The following KRT18 variants were observed in gnomAD, a reference collection of about 807,000 sequenced individuals.
The protein encoded by KRT18 is keratin 18, also known as keratin, type I cytoskeletal 18.
Under a neutral mutation model 39.9 loss-of-function variants are expected in KRT18, and 8 were observed. The ratio of observed to expected loss-of-function variants is 0.20; its 90% confidence interval spans 0.12 to 0.36. The LOEUF (loss-of-function observed/expected upper bound fraction) is 0.36. KRT18 is among the 10% of genes least tolerant of loss of function. The pLI is 1.00. For synonymous variants in KRT18, 194 were observed against 227.8 expected, an observed-to-expected ratio of 0.85 and a Z score of 1.33; for missense variants, 396 against 565.7, an observed-to-expected ratio of 0.70 and a Z score of 3.04.
upstream of KRT18, chr12:52,948,932 C>CT: frequency 2.3e-6 from 1 of 428,440 alleles, no homozygotes; most frequent in African/African-American, 2.1e-5. Context: ...CACCCCGTTT[C>CT]TGGGGGGTGA....
chr12:52,949,729 G>T (rs779728172), intron 1 of KRT18, 139 bp downstream of exon 1: 5 of 790,836 alleles, frequency 6.3e-6, no homozygotes, highest in East Asian at 5.3e-5. Context: ...ATTTCCATCC[G>T]CGCACCTAGC....
At chr12:52,952,089 AC>A in intron 5 of KRT18, 29 bp from the exon 6 acceptor site, 1 of 1,514,694 alleles carries the variant, frequency 6.6e-7, no homozygotes, top group Non-Finnish European at 9.0e-7. Context: ...CTCTGGGCTC[AC>A]CCTGCCCCTC....
rs1234167038 is a variant in KRT18 at position 52,952,275 on chromosome 12, A to G, written c.1105A>G (p.Ile369Val). The change falls in exon 6 of 7, where the codon ATC becomes GTC. Residue 369 changes from isoleucine to valine, a missense_variant. Physicochemically the swap from Ile to Val is conservative, Grantham distance 29 (BLOSUM62 3). Transcript: ENST00000388835. ...CCAGGAGTATGAGGCCCTGCTGAAC[A>G]TCAAGGTCAAGCTGGAGGCTGAGAT... ...QAQEYEALLN[I>V]KVKLEAEIAT... 6.2e-7 allele frequency: 1 copy of G among 1,608,850 alleles called. No individual in the cohort carries two copies. Among genetic ancestry groups the G allele is most frequent in the South Asian group, 1.1e-5 (1 of 89,948 alleles).
At position 52,950,887 on chromosome 12, in the gene KRT18, TGAA is replaced by T. The variant is rs1424887493; in HGVS notation, c.645_647del (p.Lys215del). 1 of 1,586,858 alleles carries T rather than the reference TGAA, an allele frequency of 6.3e-7. No individual in the cohort carries two copies. On this transcript the variant is annotated inframe_deletion, in exon 3 of 7. Transcript: ENST00000388835. ...GCTCTCAAGGAGGAGCTGCTCTTCA[TGAA>T]GAAGAACCACGAAGAGGCAAGCAGG...
Position 52,949,129 on chromosome 12 carries a change from C to T in KRT18, c.-45C>T, listed in dbSNP as rs1356954942. 1.2e-5 allele frequency: 19 copies of T among 1,573,560 alleles called. No homozygotes were observed. The highest frequency in any genetic ancestry group is 1.6e-5 in the Non-Finnish European group (18 of 1,146,042). ...CGCGGCTCGCGCAGGCCGCCACCGT[C>T]GTCCGCAAAGCCTGAGTCCTGTCCT... On this transcript the variant is annotated 5_prime_UTR_variant, in exon 1 of 7. Transcript: ENST00000388835.
At chr12:52,952,048 T>C (rs2120779187) in intron 5 of KRT18, 71 bp from the exon 6 acceptor site, 1 of 1,408,032 alleles carries the variant, frequency 7.1e-7, no homozygotes, top group African/African-American at 1.4e-5. Flanking sequence ...CAAAAAAGTT[T>C]CCAAAAGTGA....
intron 2 of KRT18, 65 bp downstream of exon 2, chr12:52,950,475 C>T (rs1019796491): frequency 5.9e-5 from 72 of 1,227,640 alleles, no homozygotes; most frequent in Non-Finnish European, 8.2e-5. Context: ...GCTCCCCAGG[C>T]TGGGTCAGTT....
At position 52,949,704 on chromosome 12, in the gene KRT18, G is replaced by T. The variant is rs761375972; in HGVS notation, c.417+114G>T. On this transcript the variant is annotated intron_variant, in intron 1 of 6. Transcript: ENST00000388835. ...CCAACCCCTACTCCACCGGGAGGGG[G>T]TTGGGCATACCTGGATTTCCATCCG... The T allele has an allele frequency of 1.3e-5, 13 of 987,558 alleles. No homozygotes were observed. In the African/African-American group the frequency reaches 1.8e-4, roughly 13 times the overall value. The allele number at this position is 987,558 out of a possible 1,614,324, so 61.2% of individuals were successfully genotyped here. A position where few individuals can be genotyped will look rare whatever the true frequency, so the allele number is the denominator to read the frequency against.
At chr12:52,952,397 A>G (rs1942507931) in intron 6 of KRT18, 55 bp downstream of exon 6, 3 of 1,275,156 alleles carry the variant, frequency 2.4e-6, no homozygotes, top group South Asian at 2.5e-5. Context: ...ACTTCTCCCC[A>G]AAGTCTGAGC....
chr12:52,950,937 T>C (rs1332919600), intron 3 of KRT18, 31 bp downstream of exon 3: 3 of 1,549,428 alleles, frequency 1.9e-6, no homozygotes, highest in East Asian at 2.3e-5. Flanking sequence ...AGGCCAGGGA[T>C]TGAGGGGCCA....
intron 1 of KRT18, 45 bp from the exon 2 acceptor site, chr12:52,950,283 C>T (rs987829978): frequency 1.4e-6 from 2 of 1,416,026 alleles, no homozygotes; most frequent in Admixed American, 3.3e-5. Flanking sequence ...CCACCCATCC[C>T]TGGCTTTCTA....
At chr12:52,949,932 G>A in intron 1 of KRT18, 1 of 637,354 alleles carries the variant, frequency 1.6e-6, no homozygotes, top group South Asian at 1.8e-5. Flanking sequence ...ATGTGGCTAA[G>A]GCTGAGTCAT....
intron 5 of KRT18, 78 bp downstream of exon 5, chr12:52,951,934 T>A: frequency 6.4e-7 from 1 of 1,551,920 alleles, no homozygotes; most frequent in Non-Finnish European, 8.8e-7. Context: ...CCAAATCCTA[T>A]CCCTCATATC....
At position 52,951,492 on chromosome 12, in the gene KRT18, C is replaced by T. The variant is rs1364429451; in HGVS notation, c.669C>T (p.Gly223=). ...CCTGTCACCTTTAGGAAGTAAAAGG[C>T]CTACAAGCCCAGATTGCCAGCTCTG... ...MKKNHEEEVK[G]LQAQIASSGL... Residue 223 remains glycine, a synonymous_variant, in exon 4 of 7, where the codon GGC becomes GGT. Coordinates refer to ENST00000388835, the MANE Select transcript of KRT18 (RefSeq NM_000224.3). The T allele has an allele frequency of 3.1e-6, 5 of 1,613,914 alleles. No individual in the cohort carries two copies. The highest frequency in any genetic ancestry group is 3.4e-6 in the Non-Finnish European group (4 of 1,179,914).
intron 1 of KRT18, 35 bp from the exon 2 acceptor site, chr12:52,950,293 A>G (rs1663393364): frequency 3.3e-6 from 5 of 1,504,778 alleles, no homozygotes; most frequent in Non-Finnish European, 4.6e-6. Context: ...CTGGCTTTCT[A>G]TTCATGGAAC....
At chr12:52,948,974 G>T, upstream of KRT18, 1 of 470,130 alleles carries the variant, frequency 2.1e-6, no homozygotes, top group Non-Finnish European at 3.7e-6. Context: ...CGGAGGGCGC[G>T]GGGGTGGGGC....
rs755980643 is a variant in KRT18, at chr12:52,949,251, C to T, written c.78C>T (p.Ala26=). The T allele has an allele frequency of 1.2e-6, 2 of 1,611,328 alleles. No homozygotes were observed. Among genetic ancestry groups the T allele is most frequent in the Non-Finnish European group, 1.7e-6 (2 of 1,179,858 alleles). Residue 26 remains alanine (A), a synonymous_variant, in exon 1 of 7, where the codon GCC becomes GCT. Transcript: ENST00000388835. ...CTGTCCAGGCGCCCAGCTACGGCGC[C>T]CGGCCGGTCAGCAGCGCGGCCAGCG... ...LGSVQAPSYG[A]RPVSSAASVY...
rs957222451 is a variant in KRT18, at chr12:52,949,847, G to A, written c.417+257G>A. 32 of 701,212 alleles carry A rather than the reference G, an allele frequency of 4.6e-5. No individual in the cohort carries two copies. The Admixed American group carries it at 6.4e-4, about 14-fold the overall frequency. The allele number at this position is 701,212 out of a possible 1,614,324, so 43.4% of individuals were successfully genotyped here. On this transcript the variant is annotated intron_variant, in intron 1 of 6. Transcript: ENST00000388835. ...TACAGAGGAAGTGGACAGCATGGAG[G>A]GAGGTAAGGAAAGGCCTGTAAAGAG... is the stretch of plus-strand genomic sequence containing the variant.
intron 5 of KRT18, 80 bp downstream of exon 5, chr12:52,951,936 C>G: frequency 6.5e-7 from 1 of 1,548,328 alleles, no homozygotes; most frequent in Non-Finnish European, 8.9e-7. Context: ...AAATCCTATC[C>G]CTCATATCAT....
Sources: allele counts gnomAD v4.1 joint callset, GRCh38; gene constraint gnomAD v4.1.1; transcripts MANE v1.5; gene names NCBI Gene and HGNC (gene_info 2026-07-23, HGNC 2026-07-21).